The following TANC2 variants were observed in gnomAD, a reference collection of about 807,000 sequenced individuals.
TANC2 encodes tetratricopeptide repeat, ankyrin repeat and coiled-coil containing 2, also known as protein TANC2.
Under a neutral mutation model 210.5 loss-of-function variants are expected in TANC2, and 26 were observed. That is an observed-to-expected ratio of 0.12 (90% CI 0.09 to 0.17). The LOEUF is 0.17. Ranked by LOEUF, TANC2 falls within the 10% of genes least tolerant of loss-of-function variation. TANC2 has a pLI of 1.00. For synonymous variants in TANC2, 931 were observed against 967.1 expected (o/e 0.96, Z 0.69); for missense variants, 2,129 against 2,608.9 (o/e 0.82, Z 4.01).
At chr17:63,230,479 G>T (rs1197675968) in intron 7 of TANC2, among the ~76,000 whole-genome samples, 1 of 152,078 alleles carries the variant, frequency 6.6e-6, no homozygotes. Flanking sequence ...CTGGTACATT[G>T]CCTGTTTGTT....
intron 1 of TANC2, among the ~76,000 whole-genome samples, chr17:62,981,984 C>T (rs911050452): frequency 2.0e-5 from 3 of 152,164 alleles, no homozygotes; most frequent in African/African-American, 7.2e-5. Flanking sequence ...GCAAATCATA[C>T]GTTGTTTACA....
At chr17:63,118,329 T>C (rs1259950375) in intron 4 of TANC2, among the ~76,000 whole-genome samples, 1 of 152,204 alleles carries the variant, frequency 6.6e-6, no homozygotes, top group Non-Finnish European at 1.5e-5. Flanking sequence ...TAGACTAAAT[T>C]AGAAATTTAC....
intron 11 of TANC2, among the ~76,000 whole-genome samples, chr17:63,337,653 G>A (rs752095281): frequency 6.7e-5 from 10 of 149,214 alleles, no homozygotes; most frequent in Admixed American, 2.7e-4. Context: ...AGAGGCACAC[G>A]TGCACATTTA....
At chr17:63,413,024 C>G (rs1400774719) in intron 24 of TANC2, 1 of 338,862 alleles carries the variant, frequency 3.0e-6, no homozygotes, top group African/African-American at 2.2e-5. Context: ...GAACTGTGCT[C>G]CTGCTTCAAA....
intron 19 of TANC2, among the ~76,000 whole-genome samples, chr17:63,402,970 A>T (rs902744049): frequency 6.6e-6 from 1 of 152,238 alleles, no homozygotes; most frequent in Non-Finnish European, 1.5e-5. Flanking sequence ...AGCTGTGTTA[A>T]CCATGTCCAG....
rs568075555 is a variant in TANC2 at position 63,347,669 on chromosome 17, C to T, written c.1808-3581C>T. The stretch of plus-strand genomic sequence containing the variant: ...AAGTACAGTGATTAAAATACATACA[C>T]GCACACCCACATGCTCATATAAAAC... On this transcript the variant is annotated intron_variant, in intron 12 of 27. Coordinates refer to ENST00000689528, the Ensembl canonical transcript of TANC2. 1.4e-4 allele frequency among the ~76,000 whole-genome samples: 22 copies of T among 152,240 alleles called. No individual in the cohort carries two copies. The South Asian group carries it at 2.1e-3, about 14-fold the overall frequency.
At chr17:63,208,971 A>G (rs1384842133) in intron 7 of TANC2, among the ~76,000 whole-genome samples, 1 of 151,460 alleles carries the variant, frequency 6.6e-6, no homozygotes, top group African/African-American at 2.4e-5. Context: ...TCCTTATATC[A>G]TGTATTATTT....
rs530827353 is a variant in TANC2 at position 63,165,335 on chromosome 17, A to G, written c.433+13955A>G. Among the ~76,000 whole-genome samples the G allele has an allele frequency of 2.0e-5, 3 of 152,160 alleles. No individual in the cohort carries two copies. The South Asian group carries it at 6.2e-4, about 32-fold the overall frequency. On this transcript the variant is annotated intron_variant, in intron 5 of 27. Transcript: ENST00000689528. ...CCAGTTTATGCCCAAAAAGCTTTCA[A>G]ATTGGAGATACCTGGTTTAGTGTGT...
At chr17:63,127,703 A>G (rs1016147294) in intron 4 of TANC2, among the ~76,000 whole-genome samples, 4 of 152,336 alleles carry the variant, frequency 2.6e-5, no homozygotes, top group African/African-American at 2.4e-5. Flanking sequence ...AAATCTAAAT[A>G]TTGACAATTA....
chr17:63,046,619 C>T (rs2035396187), intron 2 of TANC2, among the ~76,000 whole-genome samples: 1 of 151,820 alleles, frequency 6.6e-6, no homozygotes, highest in Non-Finnish European at 1.5e-5. Flanking sequence ...CACACCCGGC[C>T]TTTAATAAAT....
At chr17:63,350,420 A>G (rs1364940718) in intron 12 of TANC2, among the ~76,000 whole-genome samples, 1 of 152,170 alleles carries the variant, frequency 6.6e-6, no homozygotes, top group Non-Finnish European at 1.5e-5. Context: ...TTGAATCTCT[A>G]ATTGTTGAAC....
chr17:63,055,729 T>C (rs1030019127), intron 2 of TANC2, among the ~76,000 whole-genome samples: 1 of 150,942 alleles, frequency 6.6e-6, no homozygotes, highest in Admixed American at 6.6e-5. Flanking sequence ...AAGGAGGCCT[T>C]ATCTGTAATG....
chr17:63,125,987 C>A (rs1056532594), intron 4 of TANC2, among the ~76,000 whole-genome samples: 1 of 152,200 alleles, frequency 6.6e-6, no homozygotes, highest in Non-Finnish European at 1.5e-5. Flanking sequence ...GGGCAAGTAA[C>A]TTAACCTCTC....
chr17:63,220,334 A>G (rs2042136503), intron 7 of TANC2, among the ~76,000 whole-genome samples: 1 of 151,660 alleles, frequency 6.6e-6, no homozygotes, highest in African/African-American at 2.4e-5. Flanking sequence ...CCACACATAC[A>G]CTAGCAACTC....
chr17:63,103,965 C>T (rs999303311), intron 4 of TANC2, among the ~76,000 whole-genome samples: 5 of 151,980 alleles, frequency 3.3e-5, no homozygotes, highest in Admixed American at 3.3e-4. Context: ...AGCTAGGCAG[C>T]GGTCAGAGTT....
intron 4 of TANC2, among the ~76,000 whole-genome samples, chr17:63,127,636 T>G (rs1326152601): frequency 6.6e-6 from 1 of 152,230 alleles, no homozygotes; most frequent in African/African-American, 2.4e-5. Flanking sequence ...TTATGGGCAC[T>G]GGCTCTCATT....
intron 5 of TANC2, chr17:63,154,965 G>A (rs1490237689): frequency 3.3e-5 from 5 of 152,140 alleles, no homozygotes; most frequent in South Asian, 4.1e-4. Context: ...ACACCAAACC[G>A]TACCACTGGT....
rs890540956 is a variant in TANC2 at position 63,228,064 on chromosome 17, T to C, written c.770-9750T>C. Among the ~76,000 whole-genome samples the C allele has an allele frequency of 2.6e-5, 4 of 151,950 alleles. No individual in the cohort carries two copies. The East Asian group carries it at 7.7e-4, about 29-fold the overall frequency. On this transcript the variant is annotated intron_variant, in intron 7 of 27. Transcript: ENST00000689528. The stretch of plus-strand genomic sequence containing the variant: ...TTTTTAGTAGAGACGGGTTTCACTG[T>C]GTTGGCCAGGCTGGTCTCAAACTCC...
At chr17:63,419,423 G>T (rs140538549) in intron 27 of TANC2, among the ~76,000 whole-genome samples, 2 of 152,260 alleles carry the variant, frequency 1.3e-5, no homozygotes, top group East Asian at 3.9e-4. Flanking sequence ...CTCCAGCCCC[G>T]AGTGACCTAG....
Sources: gnomAD v4.1 joint callset for allele counts (sites outside exome capture counted in the v4.1 genomes callset) on GRCh38, gnomAD v4.1.1 for gene constraint, MANE v1.5 for transcripts, NCBI Gene and HGNC (gene_info 2026-07-23, HGNC 2026-07-21) for gene names.